The following TBC1D26 variants were observed in gnomAD, a reference collection of about 807,000 sequenced individuals.
TBC1D26 encodes the protein TBC1 domain family member 26, also known as TBC1 domain family, member 26.
In TBC1D26, 19 loss-of-function variants were observed where a neutral mutation model predicts 42.5. The ratio of observed to expected loss-of-function variants is 0.45; its 90% CI spans 0.31 to 0.66. The LOEUF (loss-of-function observed/expected upper bound fraction) is 0.66, where lower values mean the gene tolerates loss of function less well. TBC1D26 is among the 30% of genes least tolerant of loss of function. The probability of loss-of-function intolerance (pLI) is 0.06; values close to 1 mark genes in which losing one functional copy is unlikely to be tolerated. For synonymous variants in TBC1D26, 97 were observed against 123.5 expected (o/e 0.79, Z 1.42); for missense variants, 228 against 332.6 (o/e 0.69, Z 2.45).
chr17:15,738,210 C>T (rs1967675871), intron 6 of TBC1D26, 70 bp from the exon 7 acceptor site: 1 of 1,606,102 alleles, frequency 6.2e-7, no homozygotes, highest in Non-Finnish European at 8.5e-7. Context: ...GGACTGCAGG[C>T]CTGTTCGCCA....
At chr17:15,737,807 C>T (rs917830157) in intron 5 of TBC1D26, 190 bp from the exon 6 acceptor site, 409 of 820,300 alleles carry the variant, frequency 5.0e-4, no homozygotes, top group Middle Eastern at 1.4e-3. Flanking sequence ...CTGAGGATGG[C>T]ATGTCATGGC....
intron 9 of TBC1D26, chr17:15,740,783 G>T: frequency 1.1e-6 from 1 of 903,666 alleles, no homozygotes; most frequent in Non-Finnish European, 1.4e-6. Flanking sequence ...CGTGGCAGGT[G>T]CAGTTCACAG....
In TBC1D26 at chr17:15,741,612, G is replaced by A. The variant is rs537820246; in HGVS notation, c.647-330G>A. 8.0e-5 allele frequency: 38 copies of A among 472,892 alleles called. No individual in the cohort carries two copies. In the East Asian group the frequency reaches 1.4e-3, roughly 17 times the overall value. The allele number at this position is 472,892 out of a possible 1,614,324, so 29.3% of individuals were successfully genotyped here. A position where few individuals can be genotyped will look rare whatever the true frequency, so the allele number is the denominator to read the frequency against. On this transcript the variant is annotated intron_variant, in intron 10 of 14. Coordinates refer to ENST00000437605, the MANE Select transcript of TBC1D26 (RefSeq NM_001388465.1). ...ATGGGCCAACAAAGCCAAGATGGAA[G>A]TGTCTGCCCATCCCATGTCCCCCAG...
At chr17:15,736,905 C>G (rs957607285) in intron 4 of TBC1D26, among the ~76,000 whole-genome samples, 15 of 152,248 alleles carry the variant, frequency 9.9e-5, no homozygotes, top group African/African-American at 3.4e-4. Flanking sequence ...AGTGTCTGGG[C>G]TGGGCAGGAT....
At chr17:15,738,586 A>G (rs1282826487) in intron 7 of TBC1D26, 135 bp from the exon 8 acceptor site, 2 of 1,489,996 alleles carry the variant, frequency 1.3e-6, no homozygotes, top group African/African-American at 2.8e-5. Context: ...GAAACAAGGT[A>G]AAAAGGAGCT....
chr17:15,736,179 C>A (rs542278959), intron 4 of TBC1D26, among the ~76,000 whole-genome samples: 1 of 152,342 alleles, frequency 6.6e-6, no homozygotes, highest in East Asian at 1.9e-4. Flanking sequence ...AGGGCAGGGC[C>A]CTGGCCTGGG....
chr17:15,738,604 G>T (rs73978523), intron 7 of TBC1D26, 117 bp from the exon 8 acceptor site: 6 of 1,563,712 alleles, frequency 3.8e-6, no homozygotes, highest in Admixed American at 3.4e-5. Flanking sequence ...GCTTTCTGCA[G>T]AAGGAAACCT....
chr17:15,742,007 A>C lies in TBC1D26; in HGVS notation c.712A>C (p.Lys238Gln). The C allele has an allele frequency of 6.2e-7, 1 of 1,613,908 alleles. No homozygotes were observed. Among genetic ancestry groups the C allele is most frequent in the Non-Finnish European group, 8.5e-7 (1 of 1,179,930 alleles). The change falls in exon 11 of 15, where the codon AAG becomes CAG. Residue 238 changes from lysine to glutamine, a missense_variant. Coordinates refer to ENST00000437605, the MANE Select transcript of TBC1D26 (RefSeq NM_001388465.1). Reference sequence around the variant, plus strand: ...ATCGCACCAGGAGCAGGTGCTGCACAAGTCCTTCCCAAAGATCATGAGACA... The same window carrying C: ...ATCGCACCAGGAGCAGGTGCTGCACCAGTCCTTCCCAAAGATCATGAGACA... ...LLSHQEQVLH[K>Q]SFPKIMRHLG...
chr17:15,739,765 C>T (rs1205310544), intron 8 of TBC1D26, among the ~76,000 whole-genome samples: 3 of 152,254 alleles, frequency 2.0e-5, no homozygotes, highest in Admixed American at 6.5e-5. Flanking sequence ...CAGTGGTGGA[C>T]GGGAGGCTCT....
chr17:15,738,194 G>A lies in TBC1D26; in HGVS notation c.280-86G>A, dbSNP rs1429888691. The A allele has an allele frequency of 1.9e-6, 3 of 1,605,492 alleles. No homozygotes were observed. In the South Asian group the frequency reaches 3.3e-5, roughly 18 times the overall value. ...AGTGGGTGGGTGGTACCCCATCCTT[G>A]CCATAGGACTGCAGGCCTGTTCGCC... On this transcript the variant is annotated intron_variant, in intron 6 of 14. Transcript: ENST00000437605.
At chr17:15,735,197 G>A (rs1415728833) in intron 2 of TBC1D26, 127 bp downstream of exon 2, 3 of 870,370 alleles carry the variant, frequency 3.4e-6, no homozygotes, top group Non-Finnish European at 5.5e-6. Flanking sequence ...AGTCAGGGGT[G>A]GGACCACTGA....
intron 10 of TBC1D26, 118 bp from the exon 11 acceptor site, chr17:15,741,824 C>T (rs973311129): frequency 1.9e-5 from 17 of 918,446 alleles, no homozygotes; most frequent in Non-Finnish European, 2.5e-5. Context: ...GGGGTCACCA[C>T]ATGGGAGGGA....
Position 15,742,408 on chromosome 17 carries a change from C to A in TBC1D26, c.742-6C>A, listed in dbSNP as rs1023995299. Reference sequence around the variant, plus strand: ...GGGCCCTGAGCACGTGTGCTCCTCCCTTCAGGGCAAGGAAGGGCTGTGCAT... The same window carrying A: ...GGGCCCTGAGCACGTGTGCTCCTCCATTCAGGGCAAGGAAGGGCTGTGCAT... On this transcript the variant is annotated splice_polypyrimidine_tract_variant and splice_region_variant and intron_variant, in intron 11 of 14. Coordinates refer to ENST00000437605, the MANE Select transcript of TBC1D26 (RefSeq NM_001388465.1). 8 of 337,134 alleles carry A rather than the reference C, an allele frequency of 2.4e-5. No homozygotes were observed. The Middle Eastern group carries it at 2.9e-3, about 123-fold the overall frequency. The allele number at this position is 337,134 out of a possible 1,614,324, so 20.9% of individuals were successfully genotyped here.
chr17:15,735,130 G>A lies in TBC1D26; in HGVS notation c.-2+60G>A, dbSNP rs1967575192. 3 of 608,200 alleles carry A rather than the reference G, an allele frequency of 4.9e-6. No homozygotes were observed. In the South Asian group the frequency reaches 6.0e-5, roughly 12 times the overall value. The allele number at this position is 608,200 out of a possible 1,614,324, so 37.7% of individuals were successfully genotyped here. On this transcript the variant is annotated intron_variant, in intron 2 of 14. Coordinates refer to ENST00000437605, the MANE Select transcript of TBC1D26 (RefSeq NM_001388465.1). ...GGCCTCTCTGTCCAGGTTCCCGTGT[G>A]CTCAAATCCTCAGGAAGGAGCCCAC...
At chr17:15,738,625 C>T in intron 7 of TBC1D26, 96 bp from the exon 8 acceptor site, 2 of 1,571,506 alleles carry the variant, frequency 1.3e-6, no homozygotes, top group Non-Finnish European at 1.7e-6. Flanking sequence ...TCCTTCCTTC[C>T]TTCCAGAAGT....
intron 10 of TBC1D26, chr17:15,741,469 C>A (rs1466936924): frequency 1.7e-6 from 1 of 596,128 alleles, no homozygotes; most frequent in Admixed American, 3.2e-5. Context: ...GATACCTCCC[C>A]CTGGCTGCCC....
chr17:15,732,469 C>T (rs1967512846), intron 1 of TBC1D26, 85 bp downstream of exon 1: 1 of 147,488 alleles, frequency 6.8e-6, no homozygotes, highest in South Asian at 2.3e-4. Flanking sequence ...GGGCAGGTGC[C>T]GAGGAGGGTC....
intron 9 of TBC1D26, chr17:15,740,423 C>T (rs1286354136): frequency 7.2e-7 from 1 of 1,392,348 alleles, no homozygotes; most frequent in African/African-American, 1.4e-5. Context: ...ACAGGATGGT[C>T]CTTGTAGGAG....
intron 12 of TBC1D26, 145 bp downstream of exon 12, chr17:15,742,624 A>G: frequency 5.9e-6 from 1 of 170,578 alleles, no homozygotes; most frequent in Non-Finnish European, 1.2e-5. Flanking sequence ...GGCAGAGGCC[A>G]GGGCTCAGGC....
Sources: gnomAD v4.1 joint callset for allele counts (sites outside exome capture counted in the v4.1 genomes callset) on GRCh38, gnomAD v4.1.1 for gene constraint, MANE v1.5 for transcripts, NCBI Gene and HGNC (gene_info 2026-07-23, HGNC 2026-07-21) for gene names.